The following CSMD3 variants were observed in gnomAD, a reference collection of about 807,000 sequenced individuals.
CSMD3 encodes the protein CUB and sushi domain-containing protein 3.
CSMD3 carries 177 observed loss-of-function variants against 435.2 expected under a neutral mutation model. That is an observed-to-expected ratio of 0.41 (90% CI 0.36 to 0.46). The LOEUF (loss-of-function observed/expected upper bound fraction) is 0.46, where lower values mean the gene tolerates loss of function less well. Among genes scored for constraint, CSMD3 ranks in the 20% least tolerant of loss-of-function variants. CSMD3 has a pLI of 0.34. For missense variants in CSMD3, 4,265 were observed against 4,504.6 expected, an observed-to-expected ratio of 0.95 and a Z score of 1.52; for synonymous variants, 1,656 against 1,520.5, an observed-to-expected ratio of 1.09 and a Z score of -2.07.
At chr8:112,757,398 A>C (rs886085940) in intron 13 of CSMD3, among the ~76,000 whole-genome samples, 2 of 152,088 alleles carry the variant, frequency 1.3e-5, no homozygotes, top group African/African-American at 4.8e-5. Context: ...ATATATATAC[A>C]TATATGTAAT....
intron 38 of CSMD3, among the ~76,000 whole-genome samples, chr8:112,361,606 TATA>T (rs1563841232): frequency 1.1e-4 from 13 of 123,646 alleles, no homozygotes; most frequent in African/African-American, 4.6e-4. Flanking sequence ...TATATATATA[TATA>T]TATATATATA....
At chr8:112,383,836 C>T (rs556733185) in intron 36 of CSMD3, among the ~76,000 whole-genome samples, 173 bp from the exon 37 acceptor site, 1 of 152,096 alleles carries the variant, frequency 6.6e-6, no homozygotes, top group Non-Finnish European at 1.5e-5. Flanking sequence ...CTGGCTTACA[C>T]GAGCTGATTT....
At chr8:112,552,545 T>C in intron 26 of CSMD3, 49 bp downstream of exon 26, 8 of 1,576,820 alleles carry the variant, frequency 5.1e-6, no homozygotes, top group Non-Finnish European at 6.1e-6. Context: ...AGGGGTTGGT[T>C]AGGCACTTCA....
intron 1 of CSMD3, among the ~76,000 whole-genome samples, chr8:113,354,850 G>C (rs920708945): frequency 6.6e-6 from 1 of 151,870 alleles, no homozygotes; most frequent in Non-Finnish European, 1.5e-5. Flanking sequence ...TGTTGCCAAA[G>C]CTGGTTTTGA....
chr8:112,344,365 A>G (rs899797691), intron 41 of CSMD3, among the ~76,000 whole-genome samples: 1 of 152,186 alleles, frequency 6.6e-6, no homozygotes, highest in Admixed American at 6.5e-5. Flanking sequence ...GAAAAATGCA[A>G]AGTCTGCATT....
chr8:112,575,072 A>T (rs1829834610), intron 23 of CSMD3, among the ~76,000 whole-genome samples: 2 of 151,936 alleles, frequency 1.3e-5, no homozygotes, highest in African/African-American at 4.8e-5. Flanking sequence ...TAAACCGATG[A>T]TTTATTTAGA....
chr8:112,245,818 G>A (rs1054489045), intron 64 of CSMD3, among the ~76,000 whole-genome samples: 9 of 152,144 alleles, frequency 5.9e-5, no homozygotes, highest in Non-Finnish European at 1.2e-4. Flanking sequence ...GATTATAGGC[G>A]TGAGCCACCG....
rs1025554886 is a variant in CSMD3 at position 112,306,207 on chromosome 8, A to C, written c.7886-15T>G. ...ACAGGAAATTGCTAGAAAAACATAC[A>C]CACAAGCAAAATCGTATAAACAGAA... On this transcript the variant is annotated splice_polypyrimidine_tract_variant and intron_variant, in intron 50 of 70. Coordinates refer to ENST00000297405, the MANE Select transcript of CSMD3 (RefSeq NM_198123.2). The C allele has an allele frequency of 6.2e-7, 1 of 1,603,824 alleles. No individual in the cohort carries two copies. Among genetic ancestry groups the C allele is most frequent in the African/African-American group, 1.3e-5 (1 of 74,674 alleles).
chr8:112,824,701 AG>A (rs926573860), intron 12 of CSMD3, among the ~76,000 whole-genome samples: 18 of 152,100 alleles, frequency 1.2e-4, no homozygotes, highest in Non-Finnish European at 2.6e-4. Flanking sequence ...TTCCCTTTGT[AG>A]GTGACCTGAT....
chr8:113,225,592 G>T (rs2093017774), intron 3 of CSMD3, among the ~76,000 whole-genome samples: 1 of 151,392 alleles, frequency 6.6e-6, no homozygotes, highest in African/African-American at 2.4e-5. Context: ...TTACTTATTG[G>T]TACACTGACT....
At position 112,766,830 on chromosome 8, in the gene CSMD3, T is replaced by C. The variant is rs2077991863; in HGVS notation, c.1972+33332A>G. The stretch of plus-strand genomic sequence containing the variant: ...GTCTTTCTATTGGCACAGCAAACTG[T>C]GATCATTAAGAACTCTGGAATTAGA... On this transcript the variant is annotated intron_variant, in intron 13 of 70. Coordinates refer to ENST00000297405, the MANE Select transcript of CSMD3 (RefSeq NM_198123.2). 3.9e-5 allele frequency among the ~76,000 whole-genome samples: 6 copies of C among 151,936 alleles called. 1 individual carries two copies. In the South Asian group the frequency reaches 1.2e-3, roughly 31 times the overall value.
chr8:113,336,562 A>G (rs1172085214), intron 1 of CSMD3, among the ~76,000 whole-genome samples: 1 of 152,082 alleles, frequency 6.6e-6, no homozygotes, highest in Non-Finnish European at 1.5e-5. Context: ...TCAGTGTATG[A>G]GTCTTTTTCT....
chr8:112,672,407 T>C (rs2075679288), intron 16 of CSMD3, among the ~76,000 whole-genome samples: 1 of 152,072 alleles, frequency 6.6e-6, no homozygotes, highest in South Asian at 2.1e-4. Flanking sequence ...TTTCAAACGT[T>C]AGTGGCCATC....
chr8:112,391,698 A>C (rs1830434728), intron 35 of CSMD3, among the ~76,000 whole-genome samples: 1 of 151,858 alleles, frequency 6.6e-6, no homozygotes, highest in South Asian at 2.1e-4. Context: ...TCTCAAAAAA[A>C]AAAAAAGATG....
chr8:113,355,970 C>T (rs1335994983), intron 1 of CSMD3, among the ~76,000 whole-genome samples: 1 of 150,682 alleles, frequency 6.6e-6, no homozygotes, highest in African/African-American at 2.4e-5. Flanking sequence ...ACCTTAAAAT[C>T]ATGTTAGAAT....
In CSMD3 at chr8:112,695,064, C is replaced by T. The variant is rs200420379; in HGVS notation, c.1973-5014G>A. Reference sequence around the variant, plus strand: ...CCTAGCCAAGGGAAGCTGTGACAGACGGAACCTGGAAAATCGGGTCACTTC... The same window carrying T: ...CCTAGCCAAGGGAAGCTGTGACAGATGGAACCTGGAAAATCGGGTCACTTC... On this transcript the variant is annotated intron_variant, in intron 13 of 70. Transcript: ENST00000297405. Among the ~76,000 whole-genome samples, 71 of 152,172 alleles carry T rather than the reference C, an allele frequency of 4.7e-4. No homozygotes were observed. In the East Asian group the frequency reaches 0.01, roughly 22 times the overall value.
intron 3 of CSMD3, among the ~76,000 whole-genome samples, chr8:113,195,794 TATA>T (rs2092646257): frequency 1.6e-5 from 2 of 126,014 alleles, no homozygotes; most frequent in Admixed American, 7.8e-5. Context: ...CTATATTTTA[TATA>T]TATATATATA....
intron 1 of CSMD3, among the ~76,000 whole-genome samples, chr8:113,424,743 T>C (rs1216835122): frequency 2.0e-5 from 3 of 151,544 alleles, no homozygotes; most frequent in Admixed American, 6.6e-5. Flanking sequence ...AACATTTTAA[T>C]TGGAAATTAC....
chr8:112,281,329 C>T lies in CSMD3; in HGVS notation c.9353G>A (p.Gly3118Glu), dbSNP rs750818937. 1.9e-6 allele frequency: 3 copies of T among 1,612,924 alleles called. No individual in the cohort carries two copies. The highest frequency in any genetic ancestry group is 2.2e-5 in the South Asian group (2 of 91,062). The part of the protein sequence containing the change: ...ECKAVQCGNP[G>E]TTANGKVFRI... ...GAAGACTTTCCCATTGGCTGTGGTT[C>T]CTGGGTTACCACACTGCACAGCTAT... Residue 3118 changes from glycine (G) to glutamate (E), a missense_variant, in exon 59 of 71, where the codon GGA (glycine) becomes GAA (glutamate). This residue lies in a region of CSMD3 where 3,255 missense variants were observed against 3,380.2 expected (regional missense o/e 0.96). Transcript: ENST00000297405.
Sources: gnomAD v4.1 joint callset for allele counts (sites outside exome capture counted in the v4.1 genomes callset) on GRCh38, gnomAD v4.1.1 for gene constraint, gnomAD v4.1.1 regional missense constraint, MANE v1.5 for transcripts, NCBI Gene and HGNC (gene_info 2026-07-23, HGNC 2026-07-21) for gene names.